KCNMA1: variants seen among roughly 807,000 people sequenced by gnomAD.
KCNMA1 encodes potassium calcium-activated channel subfamily M alpha 1, also known as Calcium-activated potassium channel subunit alpha-1.
Under a neutral mutation model 140.0 loss-of-function variants are expected in KCNMA1, and 29 were observed. The observed-to-expected ratio is 0.21, with a 90% CI of 0.15 to 0.28. KCNMA1 has a LOEUF of 0.28. Ranked by LOEUF, KCNMA1 falls within the 10% of genes least tolerant of loss-of-function variation. KCNMA1 has a pLI of 1.00. For missense variants in KCNMA1, 880 were observed against 1,602.2 expected (o/e 0.55, Z 7.70); for synonymous variants, 612 against 611.9 (o/e 1.00, Z 0.00).
Position 77,209,392 on chromosome 10 carries a change from C to T in KCNMA1, c.603-24476G>A, listed in dbSNP as rs117625438. Among the ~76,000 whole-genome samples, 207 of 152,228 alleles carry T rather than the reference C, an allele frequency of 1.4e-3. 4 individuals carry two copies. The highest frequency in any genetic ancestry group is 9.2e-4 in the Admixed American group (14 of 15,286). ...ATAGAGTATGACATTTATTCATGTA[C>T]CAAATTCTTGGTTTCTCACCTATTA... On this transcript the variant is annotated intron_variant, in intron 3 of 27. Coordinates refer to ENST00000286628, the MANE Select transcript of KCNMA1 (RefSeq NM_001161352.2).
intron 2 of KCNMA1, among the ~76,000 whole-genome samples, chr10:77,391,932 G>A (rs1448216091): frequency 2.0e-5 from 3 of 150,064 alleles, no homozygotes; most frequent in East Asian, 4.1e-4. Context: ...AGGCTCTAAG[G>A]ATATTTTTCT....
At chr10:77,227,271 T>C (rs1020069123) in intron 3 of KCNMA1, among the ~76,000 whole-genome samples, 1 of 152,230 alleles carries the variant, frequency 6.6e-6, no homozygotes, top group East Asian at 1.9e-4. Context: ...CTTTCCTTAC[T>C]GAATGTCTGA....
At chr10:76,944,684 C>T in intron 23 of KCNMA1, 89 bp downstream of exon 23, 1 of 1,244,256 alleles carries the variant, frequency 8.0e-7, no homozygotes, top group Non-Finnish European at 1.2e-6. Flanking sequence ...CTGATGTGAG[C>T]CTCTTTGAAT....
At chr10:77,040,930 C>A (rs987345443) in intron 14 of KCNMA1, among the ~76,000 whole-genome samples, 3 of 152,158 alleles carry the variant, frequency 2.0e-5, no homozygotes, top group African/African-American at 7.2e-5. Context: ...CTGGTTTTCC[C>A]AGCAACCCTC....
chr10:77,203,623 A>T (rs1321701625), intron 3 of KCNMA1, among the ~76,000 whole-genome samples: 2 of 152,116 alleles, frequency 1.3e-5, no homozygotes, highest in African/African-American at 4.8e-5. Flanking sequence ...TCCCATCATC[A>T]TGGTACCCGC....
intron 17 of KCNMA1, among the ~76,000 whole-genome samples, chr10:77,017,397 A>G (rs2092263549): frequency 6.6e-6 from 1 of 152,180 alleles, no homozygotes; most frequent in African/African-American, 2.4e-5. Context: ...GGGAAGGTTC[A>G]GTCCCATTAA....
chr10:76,881,784 C>T (rs756023825), downstream of KCNMA1, among the ~76,000 whole-genome samples: 3 of 152,028 alleles, frequency 2.0e-5, no homozygotes, highest in Non-Finnish European at 4.4e-5. Flanking sequence ...TCCTGAAGAA[C>T]ATGGATTGTG....
In KCNMA1 at chr10:77,533,613, C is replaced by A. The variant is rs548748441; in HGVS notation, c.378+103652G>T. ...TGTGTGCCAGGCTCTGCCCCTCCCC[C>A]ACCTCCATCACTGCCCGGCAAGAGT... On this transcript the variant is annotated intron_variant, in intron 1 of 27. Transcript: ENST00000286628. 7.9e-5 allele frequency among the ~76,000 whole-genome samples: 12 copies of A among 152,244 alleles called. No individual in the cohort carries two copies. The South Asian group carries it at 2.1e-3, about 26-fold the overall frequency.
At chr10:77,547,803 A>G (rs2061792401) in intron 1 of KCNMA1, among the ~76,000 whole-genome samples, 1 of 152,166 alleles carries the variant, frequency 6.6e-6, no homozygotes, top group Non-Finnish European at 1.5e-5. Flanking sequence ...ACCATTTACA[A>G]CAGGAGTCAG....
intron 5 of KCNMA1, among the ~76,000 whole-genome samples, chr10:77,165,889 G>A (rs2098636235): frequency 6.6e-6 from 1 of 152,222 alleles, no homozygotes; most frequent in African/African-American, 2.4e-5. Context: ...GAGGGCGACA[G>A]CCACTATAAT....
chr10:77,381,954 C>T (rs1411025226), intron 2 of KCNMA1, among the ~76,000 whole-genome samples: 1 of 152,162 alleles, frequency 6.6e-6, no homozygotes, highest in East Asian at 1.9e-4. Flanking sequence ...CATACTGGCC[C>T]TGAGAGGCGC....
At chr10:77,298,207 A>G (rs1445659703) in intron 2 of KCNMA1, among the ~76,000 whole-genome samples, 2 of 152,136 alleles carry the variant, frequency 1.3e-5, no homozygotes, top group Non-Finnish European at 1.5e-5. Context: ...GAGAAAGGCT[A>G]CCTGAACCTT....
At chr10:76,935,954 G>A (rs2060446950) in intron 23 of KCNMA1, among the ~76,000 whole-genome samples, 1 of 152,208 alleles carries the variant, frequency 6.6e-6, no homozygotes, top group Non-Finnish European at 1.5e-5. Flanking sequence ...AGTAGTCCAA[G>A]TTTCTCAGTC....
At chr10:76,953,692 T>G in intron 21 of KCNMA1, 109 bp downstream of exon 21, 2 of 1,327,888 alleles carry the variant, frequency 1.5e-6, no homozygotes, top group Admixed American at 3.4e-5. Flanking sequence ...CAAAAATAAT[T>G]AGGACCAGGG....
intron 18 of KCNMA1, chr10:77,008,230 T>C: frequency 1.3e-6 from 2 of 1,526,900 alleles, no homozygotes; most frequent in Non-Finnish European, 1.7e-6. Context: ...AGGGGCCGTA[T>C]TCCAAGGCAG....
chr10:77,253,633 G>A (rs938579950), intron 2 of KCNMA1, among the ~76,000 whole-genome samples: 2 of 152,172 alleles, frequency 1.3e-5, no homozygotes, highest in Non-Finnish European at 2.9e-5. Flanking sequence ...GATAGGGTAA[G>A]AGAGGGAAGA....
At chr10:76,954,269 GCA>G (rs10663230) in intron 20 of KCNMA1, among the ~76,000 whole-genome samples, 1,514 of 141,024 alleles carry the variant, frequency 0.011, 23 homozygotes, top group African/African-American at 0.034. Flanking sequence ...TCCCCAGCGT[GCA>G]CACACACACA....
rs548580528 is a variant in KCNMA1, at chr10:77,079,033, G to A, written c.1593+448C>T. 2.0e-5 allele frequency among the ~76,000 whole-genome samples: 3 copies of A among 152,288 alleles called. No homozygotes were observed. In the South Asian group the frequency reaches 6.2e-4, roughly 32 times the overall value. ...TGCCTGTAATCCCAGCACTTTGGGAGGCCGAGGCGGGCAGATCACCTGAGG... is the reference window on the plus strand; with the variant it reads ...TGCCTGTAATCCCAGCACTTTGGGAAGCCGAGGCGGGCAGATCACCTGAGG... On this transcript the variant is annotated intron_variant, in intron 13 of 27. Transcript: ENST00000286628.
chr10:76,962,826 T>G (rs749751447), intron 20 of KCNMA1, among the ~76,000 whole-genome samples: 1 of 152,176 alleles, frequency 6.6e-6, no homozygotes, highest in Non-Finnish European at 1.5e-5. Flanking sequence ...CCAAACACTC[T>G]TCAAGCAGTC....
Sources: allele counts gnomAD v4.1 joint callset (sites outside exome capture counted in the v4.1 genomes callset), GRCh38; gene constraint gnomAD v4.1.1; transcripts MANE v1.5; gene names NCBI Gene and HGNC (gene_info 2026-07-23, HGNC 2026-07-21).